Variants in C5 observed in about 807,000 individuals in gnomAD.
C5 encodes complement C5.
Under a neutral mutation model 218.8 loss-of-function variants are expected in C5, and 140 were observed. The ratio of observed to expected loss-of-function variants is 0.64; its 90% CI spans 0.56 to 0.74. The LOEUF (loss-of-function observed/expected upper bound fraction) is 0.74. Ranked by LOEUF, C5 falls within the 30% of genes least tolerant of loss-of-function variation. The probability of loss-of-function intolerance (pLI) is 0.00; values close to 1 mark genes in which losing one functional copy is unlikely to be tolerated. For missense variants in C5, 1,700 were observed against 1,969.6 expected (o/e 0.86, Z 2.59); for synonymous variants, 614 against 682.3 (o/e 0.90, Z 1.56).
In C5 at chr9:121,015,212, C is replaced by A; in HGVS notation, c.2046G>T (p.Lys682Asn). The A allele has an allele frequency of 6.2e-7, 1 of 1,605,992 alleles. No homozygotes were observed. Among genetic ancestry groups the A allele is most frequent in the Non-Finnish European group, 8.5e-7 (1 of 1,173,882 alleles). Residue 682 changes from lysine (K) to asparagine (N), a missense_variant, in exon 16 of 41, where the codon AAG (lysine) becomes AAT (asparagine). Lys to Asn is a moderately conservative substitution (Grantham distance 94). Transcript: ENST00000223642. ...ATCTTACAGTACCTATTTCTTCTAT[C>A]TTCTTTTGCAGCGTTCTTCTTGGCC... is the stretch of plus-strand genomic sequence containing the variant. ...ILRPRRTLQK[K>N]IEEIAAKYKH... is the part of the protein sequence containing the mutation.
chr9:121,042,966 A>G (rs778905312), intron 3 of C5, 38 bp downstream of exon 3: 33 of 1,562,332 alleles, frequency 2.1e-5, no homozygotes, highest in Non-Finnish European at 1.2e-5. Flanking sequence ...AATACTGTCA[A>G]ATCCCCCACC....
chr9:121,030,314 T>C (rs887883200), intron 7 of C5, 83 bp downstream of exon 7: 2 of 711,754 alleles, frequency 2.8e-6, no homozygotes, highest in Non-Finnish European at 4.8e-6. Flanking sequence ...ATCACAGATC[T>C]CACTTTGGGC....
upstream of C5, among the ~76,000 whole-genome samples, chr9:121,053,629 T>C (rs1349122373): frequency 1.3e-5 from 2 of 152,036 alleles, no homozygotes; most frequent in Non-Finnish European, 2.9e-5. Context: ...GCATTGAAGA[T>C]AGGGTGGGGG....
Position 120,952,622 on chromosome 9 carries a change from G to A in C5, c.*117C>T, listed in dbSNP as rs1564128227. 9.8e-7 allele frequency: 1 copy of A among 1,019,196 alleles called. No homozygotes were observed. Among genetic ancestry groups the A allele is most frequent in the East Asian group, 2.6e-5 (1 of 38,786 alleles). The allele number at this position is 1,019,196 out of a possible 1,614,324, so 63.1% of individuals were successfully genotyped here. A position where few individuals can be genotyped will look rare whatever the true frequency, so the allele number is the denominator to read the frequency against. On this transcript the variant is annotated 3_prime_UTR_variant, in exon 41 of 41. Coordinates refer to ENST00000223642, the MANE Select transcript of C5 (RefSeq NM_001735.3). ...GCAAGTGCCACTAATTCTAAGTAAA[G>A]TGAGCTTTACAAATAAGACCAGCTA...
chr9:121,030,614 T>A, intron 6 of C5, 127 bp from the exon 7 acceptor site: 1 of 601,756 alleles, frequency 1.7e-6, no homozygotes, highest in Non-Finnish European at 3.0e-6. Context: ...CACTTTATTA[T>A]CATAATCATC....
the C5 span, among the ~76,000 whole-genome samples, chr9:121,074,358 C>T: frequency 6.6e-6 from 1 of 152,236 alleles, no homozygotes; most frequent in Non-Finnish European, 1.5e-5. Flanking sequence ...GTGCTTCTTG[C>T]TTTAACTCCC....
At chr9:121,016,111 G>T in intron 15 of C5, 143 bp downstream of exon 15, 1 of 1,089,026 alleles carries the variant, frequency 9.2e-7, no homozygotes, top group African/African-American at 1.6e-5. Flanking sequence ...TTGAAGGCCA[G>T]TGAAACATTT....
chr9:120,991,578 A>G (rs771934191), intron 22 of C5, among the ~76,000 whole-genome samples: 4 of 152,208 alleles, frequency 2.6e-5, no homozygotes, highest in Admixed American at 2.6e-4. Flanking sequence ...AGCTTGCCCA[A>G]AGACAGAAAA....
At position 121,008,511 on chromosome 9, in the gene C5, AT is replaced by A. The variant is rs2047235045; in HGVS notation, c.2258-14del. On this transcript the variant is annotated splice_polypyrimidine_tract_variant and intron_variant, in intron 17 of 40. Transcript: ENST00000223642. ...AGGGTCTTCATGTCTGGACAAAAAA[AT>A]CATATTCAATTATGGAAAAACAATA... 6.4e-7 allele frequency: 1 copy of A among 1,565,204 alleles called. No homozygotes were observed.
chr9:121,054,430 T>A (rs1161902930), upstream of C5, among the ~76,000 whole-genome samples: 4 of 152,062 alleles, frequency 2.6e-5, no homozygotes, highest in Non-Finnish European at 5.9e-5. Context: ...TGAAACCTCA[T>A]CTCTACTAAA....
intron 18 of C5, 144 bp from the exon 19 acceptor site, chr9:121,007,121 A>G: frequency 1.5e-6 from 1 of 684,980 alleles, no homozygotes; most frequent in Non-Finnish European, 2.7e-6. Flanking sequence ...CATTAAGGAA[A>G]ACCTCATCAA....
rs914171829 is a variant in C5, at chr9:121,011,816, A to G, written c.2257+2057T>C. ...GCCATGAAAAGAATGAGATCCTGTC[A>G]TTTGCAACAATATGGATGGAACTGG... On this transcript the variant is annotated intron_variant, in intron 17 of 40. Coordinates refer to ENST00000223642, the MANE Select transcript of C5 (RefSeq NM_001735.3). Among the ~76,000 whole-genome samples, 5 of 152,236 alleles carry G rather than the reference A, an allele frequency of 3.3e-5. No individual in the cohort carries two copies. In the East Asian group the frequency reaches 7.7e-4, roughly 23 times the overall value.
At position 121,018,431 on chromosome 9, in the gene C5, G is replaced by A. The variant is rs7037076; in HGVS notation, c.1507-579C>T. Reference sequence around the variant, plus strand: ...TCTACTAAAAATAAAAAAATTAGCCGGGCACTGTGGTGGGCATATGTAATC... The same window carrying A: ...TCTACTAAAAATAAAAAAATTAGCCAGGCACTGTGGTGGGCATATGTAATC... On this transcript the variant is annotated intron_variant, in intron 12 of 40. Coordinates refer to ENST00000223642, the MANE Select transcript of C5 (RefSeq NM_001735.3). Among the ~76,000 whole-genome samples the A allele has an allele frequency of 1.9e-3, 293 of 150,772 alleles. 1 individual carries two copies. Among genetic ancestry groups the A allele is most frequent in the African/African-American group, 6.8e-3 (280 of 40,984 alleles).
At chr9:121,008,962 A>AAGG (rs889470917) in intron 17 of C5, among the ~76,000 whole-genome samples, 3 of 149,924 alleles carry the variant, frequency 2.0e-5, no homozygotes, top group African/African-American at 7.4e-5. Flanking sequence ...ACAAACTATA[A>AAGG]AGGCCTTAGG....
chr9:120,974,976 T>C (rs2046942692), intron 29 of C5, 45 bp from the exon 30 acceptor site: 3 of 1,607,240 alleles, frequency 1.9e-6, no homozygotes, highest in South Asian at 2.2e-5. Context: ...AGTTTATTTA[T>C]GTACTCCCTA....
At chr9:120,953,989 GAT>G in intron 39 of C5, 121 bp from the exon 40 acceptor site, 1 of 981,752 alleles carries the variant, frequency 1.0e-6, no homozygotes, top group Non-Finnish European at 1.6e-6. Flanking sequence ...GGACAGCCGT[GAT>G]ATCCATGTGG....
intron 14 of C5, among the ~76,000 whole-genome samples, chr9:121,016,801 T>C (rs984291861): frequency 2.6e-5 from 4 of 152,232 alleles, no homozygotes; most frequent in African/African-American, 9.6e-5. Flanking sequence ...GGGAGGTCCC[T>C]AGGTTCTAAA....
chr9:121,013,295 G>A (rs41309862), intron 17 of C5, among the ~76,000 whole-genome samples: 472 of 147,416 alleles, frequency 3.2e-3, no homozygotes, highest in African/African-American at 0.011. Flanking sequence ...CTCCAGCCTG[G>A]GTGACAGAGC....
In C5 at chr9:120,985,860, A is replaced by T. The variant is rs1018078856; in HGVS notation, c.3231-3046T>A. Among the ~76,000 whole-genome samples the T allele has an allele frequency of 1.1e-3, 170 of 152,214 alleles. 3 individuals carry two copies. The highest frequency in any genetic ancestry group is 4.4e-5 in the Non-Finnish European group (3 of 68,040). On this transcript the variant is annotated intron_variant, in intron 25 of 40. Coordinates refer to ENST00000223642, the MANE Select transcript of C5 (RefSeq NM_001735.3). ...TTAAGAATTCCAGGAACTAGCCATG[A>T]GATAAAAATCAAGGATGTGAAATGT...
Sources: gnomAD v4.1 joint callset for allele counts (sites outside exome capture counted in the v4.1 genomes callset) on GRCh38, gnomAD v4.1.1 for gene constraint, MANE v1.5 for transcripts, NCBI Gene and HGNC (gene_info 2026-07-23, HGNC 2026-07-21) for gene names.